The following COX14 variants were observed in gnomAD, a reference collection of about 807,000 sequenced individuals.
The protein encoded by COX14 is cytochrome c oxidase assembly protein COX14.
A neutral mutation model predicts 5.8 loss-of-function variants in COX14; 3 were observed. That is an observed-to-expected ratio of 0.51 (90% CI 0.23 to 1.33). The LOEUF is 1.33. COX14 is among the 40% of genes most tolerant of loss of function. The probability of loss-of-function intolerance (pLI) is 0.18; values close to 1 mark genes in which losing one functional copy is unlikely to be tolerated. For synonymous variants in COX14, 25 were observed against 26.1 expected, an observed-to-expected ratio of 0.96 and a Z score of 0.13; for missense variants, 72 against 72.1, an observed-to-expected ratio of 1.00 and a Z score of 0.01.
At chr12:50,114,544 G>A (rs367629878) in intron 1 of COX14, among the ~76,000 whole-genome samples, 43 of 152,094 alleles carry the variant, frequency 2.8e-4, no homozygotes, top group South Asian at 2.3e-3. Flanking sequence ...GAGCCACTGC[G>A]CCGGGCCTTG....
At chr12:50,114,634 A>G (rs781493826) in intron 1 of COX14, among the ~76,000 whole-genome samples, 1 of 151,826 alleles carries the variant, frequency 6.6e-6, no homozygotes, top group Admixed American at 6.6e-5. Flanking sequence ...TTCTGGTCTT[A>G]TCCTCTCCTT....
In COX14 at chr12:50,112,601, C is replaced by G. The variant is rs1951035911; in HGVS notation, c.-9+300C>G. The G allele has an allele frequency of 9.3e-6, 4 of 430,620 alleles. No individual in the cohort carries two copies. In the South Asian group the frequency reaches 2.9e-4, roughly 31 times the overall value. The allele number at this position is 430,620 out of a possible 1,614,324, so 26.7% of individuals were successfully genotyped here. ...TCTGCCTCTTCCTTGCTCTATAGAC[C>G]TCTGCGTCCTGATAAGTGGCTCTCC... On this transcript the variant is annotated intron_variant, in intron 1 of 1. Transcript: ENST00000550487.
At chr12:50,116,576 C>G (rs553250367) in intron 1 of COX14, among the ~76,000 whole-genome samples, 1 of 152,260 alleles carries the variant, frequency 6.6e-6, no homozygotes, top group Admixed American at 6.5e-5. Context: ...TCCTCCAGCC[C>G]TTGGAAGAGG....
Position 50,120,378 on chromosome 12 carries a change from T to A in COX14, c.*161T>A. On this transcript the variant is annotated 3_prime_UTR_variant, in exon 2 of 2. Transcript: ENST00000550487. ...TTCTCTGGTTCTGCCAGTTTGACAG[T>A]TTATGGAGGCTTTTGAATCGTAATA... is the stretch of plus-strand genomic sequence containing the variant. 1 of 619,610 alleles carries A rather than the reference T, an allele frequency of 1.6e-6. No homozygotes were observed. The highest frequency in any genetic ancestry group is 2.9e-6 in the Non-Finnish European group (1 of 349,910). The allele number at this position is 619,610 out of a possible 1,614,324, so 38.4% of individuals were successfully genotyped here.
At chr12:50,112,936 ATGT>A (rs1951041440) in intron 1 of COX14, 2 of 151,684 alleles carry the variant, frequency 1.3e-5, no homozygotes, top group African/African-American at 2.4e-5. Flanking sequence ...ATGTTATGTT[ATGT>A]TATGTTATTT....
At chr12:50,118,042 A>AC (rs973586409) in intron 1 of COX14, among the ~76,000 whole-genome samples, 1 of 74,290 alleles carries the variant, frequency 1.3e-5, no homozygotes, top group Non-Finnish European at 2.4e-5. Flanking sequence ...CATACCTGGC[A>AC]CCCCCCCTTT....
At chr12:50,117,610 A>C (rs1592310632) in intron 1 of COX14, among the ~76,000 whole-genome samples, 10 of 133,480 alleles carry the variant, frequency 7.5e-5, no homozygotes, top group African/African-American at 2.3e-4. Context: ...ACGGTGTCTC[A>C]CTCTGTTGCC....
chr12:50,117,787 C>G (rs1403048624), intron 1 of COX14, among the ~76,000 whole-genome samples: 1 of 147,816 alleles, frequency 6.8e-6, no homozygotes. Flanking sequence ...GCTCTGTCAC[C>G]AGGCTGGAGT....
At chr12:50,114,452 G>A (rs1057263305) in intron 1 of COX14, among the ~76,000 whole-genome samples, 3 of 151,876 alleles carry the variant, frequency 2.0e-5, no homozygotes, top group Admixed American at 6.6e-5. Flanking sequence ...GGGTTTTTCC[G>A]TGTTGGTCAG....
At chr12:50,115,447 C>T (rs1452461107) in intron 1 of COX14, among the ~76,000 whole-genome samples, 1 of 150,290 alleles carries the variant, frequency 6.7e-6, no homozygotes, top group African/African-American at 2.5e-5. Context: ...GATCTCCTGA[C>T]CTCGTGATCC....
At position 50,115,084 on chromosome 12, in the gene COX14, T is replaced by A. The variant is rs12312426; in HGVS notation, c.-9+2783T>A. On this transcript the variant is annotated intron_variant, in intron 1 of 1. Transcript: ENST00000550487. Reference sequence around the variant, plus strand: ...CCCGGCCGGTTTTTTTTTTTTTTTTTAAATAGAGATGGGGTCTCGCTGTGT... The same window carrying A: ...CCCGGCCGGTTTTTTTTTTTTTTTTAAAATAGAGATGGGGTCTCGCTGTGT... 2.0e-3 allele frequency among the ~76,000 whole-genome samples: 287 copies of A among 145,544 alleles called. 2 individuals are homozygous for A. Among genetic ancestry groups the A allele is most frequent in the African/African-American group, 6.5e-3 (253 of 39,174 alleles).
chr12:50,117,888 C>T (rs553899080), intron 1 of COX14, among the ~76,000 whole-genome samples: 22 of 151,984 alleles, frequency 1.4e-4, no homozygotes, highest in East Asian at 3.9e-4. Context: ...GGACTACAGG[C>T]GCGCACTGCC....
At chr12:50,117,412 T>C (rs1951090300) in intron 1 of COX14, among the ~76,000 whole-genome samples, 1 of 152,112 alleles carries the variant, frequency 6.6e-6, no homozygotes, top group Admixed American at 6.6e-5. Flanking sequence ...CCTACAGTGC[T>C]GAGAGCCATT....
At chr12:50,112,705 T>G (rs1315398488) in intron 1 of COX14, 1 of 153,038 alleles carries the variant, frequency 6.5e-6, no homozygotes, top group African/African-American at 2.4e-5. Flanking sequence ...TCACTGCTCC[T>G]CTTCTCCAGG....
intron 1 of COX14, among the ~76,000 whole-genome samples, chr12:50,118,086 A>G (rs1592311084): frequency 7.2e-6 from 1 of 138,104 alleles, no homozygotes; most frequent in South Asian, 2.3e-4. Context: ...ACTCCCCGTC[A>G]TCCAGGCTGG....
In COX14 at chr12:50,120,221, TG is replaced by T. The variant is rs752118264; in HGVS notation, c.*10del. 2.0e-5 allele frequency: 32 copies of T among 1,612,068 alleles called. No individual in the cohort carries two copies. Among genetic ancestry groups the T allele is most frequent in the East Asian group, 1.8e-4 (8 of 44,864 alleles). On this transcript the variant is annotated 3_prime_UTR_variant, in exon 2 of 2. Transcript: ENST00000550487. ...GAAGACCTCAGGAATCATGTAGAAC[TG>T]GGGGGCTTTTTCTCCTGAGCAGAGA...
Position 50,117,011 on chromosome 12 carries a change from A to G in COX14, c.-8-3025A>G, listed in dbSNP as rs145389871. ...CAGCGAATCCTGAGCTTTACTTTCA[A>G]TTTTTTTTTGTTTTTTGAGACAGGG... On this transcript the variant is annotated intron_variant, in intron 1 of 1. Coordinates refer to ENST00000550487, the MANE Select transcript of COX14 (RefSeq NM_032901.4). Among the ~76,000 whole-genome samples the G allele has an allele frequency of 2.8e-4, 43 of 150,970 alleles. No individual in the cohort carries two copies. In the East Asian group the frequency reaches 8.0e-3, roughly 28 times the overall value.
intron 1 of COX14, among the ~76,000 whole-genome samples, chr12:50,116,002 A>G (rs2137940545): frequency 6.6e-6 from 1 of 152,140 alleles, no homozygotes; most frequent in East Asian, 1.9e-4. Context: ...AATTCGCTCC[A>G]TTGATAAATC....
chr12:50,112,266 G>A lies in COX14; in HGVS notation c.-44G>A. On this transcript the variant is annotated 5_prime_UTR_variant, in exon 1 of 2. Transcript: ENST00000550487. ...CCTCGAGACCCTGCCTGCCTGAGGA[G>A]GCCTCGGTTGGATGCGAAGGAGCTG... 2 of 983,828 alleles carry A rather than the reference G, an allele frequency of 2.0e-6. No homozygotes were observed. Among genetic ancestry groups the A allele is most frequent in the South Asian group, 4.7e-5 (1 of 21,262 alleles). The allele number at this position is 983,828 out of a possible 1,614,324, so 60.9% of individuals were successfully genotyped here.
Sources: allele counts gnomAD v4.1 joint callset (sites outside exome capture counted in the v4.1 genomes callset), GRCh38; gene constraint gnomAD v4.1.1; transcripts MANE v1.5; gene names NCBI Gene and HGNC (gene_info 2026-07-23, HGNC 2026-07-21).